ZNF131: variants seen among roughly 807,000 people sequenced by gnomAD.
ZNF131 encodes the protein zinc finger and BTB domain containing 35.
In ZNF131, 7 loss-of-function variants were observed where a neutral mutation model predicts 60.0. The ratio of observed to expected loss-of-function variants is 0.12; its 90% CI spans 0.07 to 0.22. The LOEUF is 0.22. Ranked by LOEUF, ZNF131 falls within the 10% of genes least tolerant of loss-of-function variation. The pLI is 1.00. For synonymous variants in ZNF131, 257 were observed against 253.2 expected, an observed-to-expected ratio of 1.01 and a Z score of -0.14; for missense variants, 493 against 740.9, an observed-to-expected ratio of 0.67 and a Z score of 3.88.
intron 4 of ZNF131, among the ~76,000 whole-genome samples, chr5:43,150,417 T>A (rs1748150759): frequency 6.6e-6 from 1 of 152,140 alleles, no homozygotes; most frequent in Non-Finnish European, 1.5e-5. Context: ...TATCCTTGTT[T>A]CTGTATTATC....
intron 5 of ZNF131, among the ~76,000 whole-genome samples, chr5:43,164,205 T>C (rs1003600961): frequency 7.9e-5 from 12 of 152,212 alleles, no homozygotes; most frequent in East Asian, 3.9e-4. Flanking sequence ...ATCAAAATTA[T>C]AGTATTCCCA....
chr5:43,166,232 T>A (rs1750328064), intron 5 of ZNF131, among the ~76,000 whole-genome samples: 1 of 152,264 alleles, frequency 6.6e-6, no homozygotes, highest in South Asian at 2.1e-4. Context: ...TAGAGAACTT[T>A]ACCTTTTCAG....
chr5:43,170,205 T>C (rs187385277), intron 5 of ZNF131, among the ~76,000 whole-genome samples: 137 of 152,254 alleles, frequency 9.0e-4, no homozygotes, highest in Admixed American at 2.0e-3. Context: ...ATTTTGGGAG[T>C]TGAAAAGAGT....
intron 4 of ZNF131, among the ~76,000 whole-genome samples, chr5:43,141,867 C>A (rs1201717214): frequency 2.0e-5 from 3 of 151,902 alleles, no homozygotes; most frequent in Non-Finnish European, 4.4e-5. Context: ...ACCAGATAGG[C>A]ATGTAATATG....
chr5:43,156,775 G>A (rs1373454081), intron 4 of ZNF131, among the ~76,000 whole-genome samples: 1 of 152,046 alleles, frequency 6.6e-6, no homozygotes, highest in African/African-American at 2.4e-5. Flanking sequence ...AGTGGCTCAC[G>A]CCCATAATCC....
chr5:43,171,620 TTTTA>T (rs1019710648), intron 5 of ZNF131, among the ~76,000 whole-genome samples: 3 of 152,114 alleles, frequency 2.0e-5, no homozygotes, highest in African/African-American at 7.2e-5. Flanking sequence ...TTGTAGGCCA[TTTTA>T]TTTATTTATT....
chr5:43,151,210 A>G (rs531208849), intron 4 of ZNF131, among the ~76,000 whole-genome samples: 2 of 152,300 alleles, frequency 1.3e-5, no homozygotes, highest in South Asian at 2.1e-4. Context: ...AGTCATGCAC[A>G]ATGTTGTACC....
rs866784670 is a variant in ZNF131 at position 43,174,585 on chromosome 5, G to A, written c.1324G>A (p.Ala442Thr). ...GNELRRHLSDAHNISERLVTE... is the reference protein window; with the variant it reads ...GNELRRHLSDTHNISERLVTE... ...TGAATTAAGGAGGCATCTCAGTGAT[G>A]CTCACAATATTTCAGAGCGTCTAGT... is the stretch of plus-strand genomic sequence containing the variant. The change falls in exon 7 of 7, where the codon GCT (alanine) becomes ACT (threonine). Residue 442 changes from alanine (A) to threonine (T), a missense_variant. This residue lies in a region of ZNF131 where 202 missense variants were observed against 221.3 expected (regional missense o/e 0.91). Coordinates refer to ENST00000682664, the MANE Select transcript of ZNF131 (RefSeq NM_001330707.2). The A allele has an allele frequency of 9.3e-6, 15 of 1,612,854 alleles. No individual in the cohort carries two copies. Among genetic ancestry groups the A allele is most frequent in the African/African-American group, 1.3e-5 (1 of 74,934 alleles).
chr5:43,121,767 C>T, intron 1 of ZNF131: 2 of 229,890 alleles, frequency 8.7e-6, no homozygotes, highest in Non-Finnish European at 1.7e-5. Context: ...CGCGCCCTGG[C>T]GCTCGGAACC....
At chr5:43,136,476 C>CTTT (rs70991484) in intron 3 of ZNF131, among the ~76,000 whole-genome samples, 929 of 70,016 alleles carry the variant, frequency 0.013, 170 homozygotes, top group Non-Finnish European at 0.02. Context: ...AGGCATCATA[C>CTTT]TTTTTTTTTT....
intron 5 of ZNF131, among the ~76,000 whole-genome samples, chr5:43,171,389 C>G (rs554890887): frequency 1.3e-5 from 2 of 152,222 alleles, no homozygotes; most frequent in African/African-American, 4.8e-5. Flanking sequence ...TGCCCATCAA[C>G]AAATAAATAA....
intron 4 of ZNF131, among the ~76,000 whole-genome samples, chr5:43,148,700 A>G (rs548522513): frequency 5.3e-5 from 8 of 152,342 alleles, no homozygotes; most frequent in African/African-American, 1.9e-4. Context: ...AGTCATTCTA[A>G]TTGGATATGT....
At chr5:43,131,709 A>G (rs1745377668) in intron 3 of ZNF131, among the ~76,000 whole-genome samples, 1 of 152,154 alleles carries the variant, frequency 6.6e-6, no homozygotes. Flanking sequence ...TTTCTAGTAA[A>G]AATATTAATA....
intron 4 of ZNF131, among the ~76,000 whole-genome samples, chr5:43,149,142 A>G (rs1747983833): frequency 6.6e-6 from 1 of 152,058 alleles, no homozygotes; most frequent in Non-Finnish European, 1.5e-5. Flanking sequence ...ATAATGGCGG[A>G]TGCCTGTAAT....
Position 43,139,262 on chromosome 5 carries a change from A to G in ZNF131, c.324A>G (p.Ala108=). 1.2e-6 allele frequency: 2 copies of G among 1,612,960 alleles called. No homozygotes were observed. Among genetic ancestry groups the G allele is most frequent in the Non-Finnish European group, 1.7e-6 (2 of 1,179,558 alleles). Residue 108 remains alanine, a synonymous_variant, in exon 4 of 7, where the codon GCA becomes GCG. Transcript: ENST00000682664. ...GEEEANDVWK[A]AEFLQMLEAI... ...AAGAAGCCAATGATGTATGGAAAGCAGCAGAGTTTCTACAAATGCTAGAAG... is the reference window on the plus strand; with the variant it reads ...AAGAAGCCAATGATGTATGGAAAGCGGCAGAGTTTCTACAAATGCTAGAAG...
chr5:43,143,425 C>T (rs1353803198), intron 4 of ZNF131: 10 of 1,429,850 alleles, frequency 7.0e-6, no homozygotes, highest in Non-Finnish European at 8.2e-6. Flanking sequence ...TGATCTGCTT[C>T]TCCACTGTTG....
chr5:43,145,638 C>CA (rs1382571032), intron 4 of ZNF131, among the ~76,000 whole-genome samples: 1 of 151,754 alleles, frequency 6.6e-6, no homozygotes, highest in African/African-American at 2.4e-5. Context: ...GCCTGGGTGA[C>CA]AGAGTGAGAC....
chr5:43,171,653 C>G (rs776237545), intron 5 of ZNF131, among the ~76,000 whole-genome samples: 15 of 152,238 alleles, frequency 9.9e-5, no homozygotes, highest in Admixed American at 2.6e-4. Context: ...GATGGAGTCT[C>G]GCTCTGTCGC....
At chr5:43,130,438 T>C (rs1745193987) in intron 3 of ZNF131, among the ~76,000 whole-genome samples, 1 of 152,170 alleles carries the variant, frequency 6.6e-6, no homozygotes, top group Admixed American at 6.6e-5. Context: ...ATGATATTTT[T>C]TCTTTGATAA....
Sources: allele counts gnomAD v4.1 joint callset (sites outside exome capture counted in the v4.1 genomes callset), GRCh38; gene constraint gnomAD v4.1.1; regional missense constraint gnomAD v4.1.1; transcripts MANE v1.5; gene names NCBI Gene and HGNC (gene_info 2026-07-23, HGNC 2026-07-21).